ADGRA2: variants seen among roughly 807,000 people sequenced by gnomAD.
The protein encoded by ADGRA2 is adhesion G protein-coupled receptor A2.
In ADGRA2, 61 loss-of-function variants were observed where a neutral mutation model predicts 98.7. The ratio of observed to expected loss-of-function variants is 0.62; its 90% CI spans 0.50 to 0.76. The LOEUF is 0.76. ADGRA2 is among the 30% of genes least tolerant of loss of function. The pLI is 0.00. For synonymous variants in ADGRA2, 858 were observed against 831.5 expected, an observed-to-expected ratio of 1.03 and a Z score of -0.55; for missense variants, 1,712 against 1,860.0, an observed-to-expected ratio of 0.92 and a Z score of 1.46.
intron 2 of ADGRA2, among the ~76,000 whole-genome samples, chr8:37,824,712 TC>T (rs1019843649): frequency 2.0e-5 from 3 of 152,092 alleles, no homozygotes; most frequent in African/African-American, 7.2e-5. Context: ...GCCAGGCTGG[TC>T]TCGAACTCCT....
intron 8 of ADGRA2, among the ~76,000 whole-genome samples, chr8:37,832,658 T>A (rs1217219375): frequency 6.6e-6 from 1 of 152,200 alleles, no homozygotes; most frequent in Non-Finnish European, 1.5e-5. Flanking sequence ...TATCACCTTT[T>A]AAGATCCCAG....
Position 37,842,155 on chromosome 8 carries a change from C to T in ADGRA2, c.3817C>T (p.Arg1273Cys), listed in dbSNP as rs1419079314. 5.9e-6 allele frequency: 9 copies of T among 1,522,744 alleles called. No homozygotes were observed. The South Asian group carries it at 9.8e-5, about 17-fold the overall frequency. The allele number at this position is 1,522,744 out of a possible 1,614,324, so 94.3% of individuals were successfully genotyped here. A position where few individuals can be genotyped will look rare whatever the true frequency, so the allele number is the denominator to read the frequency against. ...LSEAGRAGQR[R>C]SASRDSLKGG... ...TGAGGCGGGCCGGGCAGGCCAGCGC[C>T]GCAGCGCCAGCCGCGACAGTCTCAA... Residue 1273 changes from arginine to cysteine, a missense_variant, in exon 19 of 19, where the codon CGC becomes TGC. Arg to Cys is a radical substitution (Grantham distance 180). Transcript: ENST00000412232.
chr8:37,808,892 T>C lies in ADGRA2; in HGVS notation c.267-6004T>C, dbSNP rs1373411536. Among the ~76,000 whole-genome samples, 6 of 152,162 alleles carry C rather than the reference T, an allele frequency of 3.9e-5. No homozygotes were observed. The East Asian group carries it at 9.7e-4, about 24-fold the overall frequency. ...CTGGAGTACAGTGGCATGATTTATC[T>C]TGGCTTACTGCAACCTCCACCTCCC... On this transcript the variant is annotated intron_variant, in intron 1 of 18. Transcript: ENST00000412232.
intron 13 of ADGRA2, among the ~76,000 whole-genome samples, chr8:37,836,397 A>G (rs938301959): frequency 6.6e-6 from 1 of 152,134 alleles, no homozygotes; most frequent in Non-Finnish European, 1.5e-5. Flanking sequence ...AGAGACACCA[A>G]GGAAGGGCGG....
chr8:37,830,757 C>A lies in ADGRA2; in HGVS notation c.766C>A (p.Gln256Lys). ...ACACCACCTCATCCCGTCCCTACGC[C>A]AAGTGGTGTTCCAGGGGGATCGGCT... The part of the protein sequence containing the change: ...HTHHLIPSLR[Q>K]VVFQGDRLPF... Residue 256 changes from glutamine (Q) to lysine (K), a missense_variant, in exon 7 of 19, where the codon CAA becomes AAA. Gln to Lys is a moderately conservative substitution (Grantham distance 53). Coordinates refer to ENST00000412232, the MANE Select transcript of ADGRA2 (RefSeq NM_032777.10). The surrounding 1 kb of genome is among the most constrained non-coding windows in gnomAD (Gnocchi z 4.8). 6.2e-7 allele frequency: 1 copy of A among 1,605,504 alleles called. No homozygotes were observed. Among genetic ancestry groups the A allele is most frequent in the East Asian group, 2.3e-5 (1 of 44,398 alleles).
intron 2 of ADGRA2, among the ~76,000 whole-genome samples, chr8:37,817,815 G>A (rs531525767): frequency 6.6e-6 from 1 of 152,246 alleles, no homozygotes; most frequent in East Asian, 1.9e-4. Context: ...TTAGGAGTTC[G>A]AGACCAGCCT....
chr8:37,815,028 C>T (rs1006955080), intron 2 of ADGRA2, 61 bp downstream of exon 2: 12 of 1,091,096 alleles, frequency 1.1e-5, no homozygotes, highest in Admixed American at 3.4e-5. Context: ...GAGGTCACCC[C>T]GGGGAGGAGG....
chr8:37,834,085 T>C lies in ADGRA2; in HGVS notation c.1565T>C (p.Ile522Thr), dbSNP rs143101001. ...CSRIVGALER[I>T]GGAALSPHAQ... The stretch of plus-strand genomic sequence containing the variant: ...CGCATCGTGGGTGCCCTGGAGCGCA[T>C]TGGGGGGGCCGCCCTCAGCCCCCAT... Residue 522 changes from isoleucine (I) to threonine (T), a missense_variant, in exon 11 of 19, where the codon ATT becomes ACT. Physicochemically the swap from Ile to Thr is moderately conservative, Grantham distance 89 (BLOSUM62 -1). Coordinates refer to ENST00000412232, the MANE Select transcript of ADGRA2 (RefSeq NM_032777.10). This position sits in a 1 kb window ranked among gnomAD's most constrained non-coding sequence, Gnocchi z 4.2. 1.8e-4 allele frequency: 295 copies of C among 1,612,528 alleles called. 1 individual carries two copies. The highest frequency in any genetic ancestry group is 1.3e-3 in the South Asian group (115 of 91,030).
intron 13 of ADGRA2, among the ~76,000 whole-genome samples, chr8:37,836,030 C>T (rs1444653560): frequency 7.0e-6 from 1 of 142,694 alleles, no homozygotes; most frequent in Non-Finnish European, 1.5e-5. Context: ...ATGAGCATAG[C>T]CCCCTCCAAC....
At chr8:37,833,865 C>G in intron 10 of ADGRA2, 28 bp downstream of exon 10, 7 of 1,611,520 alleles carry the variant, frequency 4.3e-6, no homozygotes, top group Non-Finnish European at 5.1e-6. Context: ...CTCAGGAGCT[C>G]GGAAAACGCC....
Position 37,830,610 on chromosome 8 carries a change from G to GGGGC in ADGRA2, c.719-100_719-99insGGGC. 14 of 579,886 alleles carry GGGGC rather than the reference G, an allele frequency of 2.4e-5. No homozygotes were observed. The highest frequency in any genetic ancestry group is 3.2e-5 in the East Asian group (1 of 31,242). 35.9% of individuals were successfully genotyped at this position (579,886 alleles called of 1,614,324 possible). A position where few individuals can be genotyped will look rare whatever the true frequency, so the allele number is the denominator to read the frequency against. On this transcript the variant is annotated intron_variant, in intron 6 of 18. Coordinates refer to ENST00000412232, the MANE Select transcript of ADGRA2 (RefSeq NM_032777.10). The surrounding 1 kb of genome is among the most constrained non-coding windows in gnomAD (Gnocchi z 4.8). ...AGCTGGAGCAGGCTGCAGGCCGAGG[G>GGGGC]CCCCGCCCCGCCCCACCCCATCCTG...
intron 1 of ADGRA2, among the ~76,000 whole-genome samples, chr8:37,807,959 G>A (rs1377947537): frequency 6.6e-6 from 1 of 152,220 alleles, no homozygotes; most frequent in Admixed American, 6.5e-5. Context: ...GGTCATCTTT[G>A]ATGTTGGGGT....
intron 2 of ADGRA2, among the ~76,000 whole-genome samples, chr8:37,826,374 A>ATAC (rs1805282621): frequency 6.6e-6 from 1 of 152,094 alleles, no homozygotes; most frequent in South Asian, 2.1e-4. Flanking sequence ...GGCAGCCAGG[A>ATAC]TACTTATCCT....
chr8:37,828,892 C>A lies in ADGRA2; in HGVS notation c.343C>A (p.Leu115Met). 6.2e-7 allele frequency: 1 copy of A among 1,600,006 alleles called. No individual in the cohort carries two copies. The highest frequency in any genetic ancestry group is 8.5e-7 in the Non-Finnish European group (1 of 1,174,266). ...CCTCTGCACTTGCCTCTGCAGGGAC[C>A]TGAGGAACAACATCATCAGCACAGT... is the stretch of plus-strand genomic sequence containing the variant. ...LGLSLLEKLD[L>M]RNNIISTVQP... Residue 115 changes from leucine to methionine, a missense_variant, in exon 3 of 19, where the codon CTG becomes ATG. Coordinates refer to ENST00000412232, the MANE Select transcript of ADGRA2 (RefSeq NM_032777.10).
In ADGRA2 at chr8:37,834,099, C is replaced by T; in HGVS notation, c.1579C>T (p.Leu527Phe). The change falls in exon 11 of 19, where the codon CTC becomes TTC. Residue 527 changes from leucine to phenylalanine, a missense_variant. Transcript: ENST00000412232. This position sits in a 1 kb window ranked among gnomAD's most constrained non-coding sequence, Gnocchi z 4.2. Reference sequence around the variant, plus strand: ...CCTGGAGCGCATTGGGGGGGCCGCCCTCAGCCCCCATGCCCAGCACATCTC... The same window carrying T: ...CCTGGAGCGCATTGGGGGGGCCGCCTTCAGCCCCCATGCCCAGCACATCTC... ...GALERIGGAA[L>F]SPHAQHISVN... The T allele has an allele frequency of 1.2e-6, 2 of 1,612,276 alleles. No homozygotes were observed. The highest frequency in any genetic ancestry group is 1.7e-6 in the Non-Finnish European group (2 of 1,179,734).
At chr8:37,818,547 G>A (rs1377145197) in intron 2 of ADGRA2, among the ~76,000 whole-genome samples, 1 of 152,266 alleles carries the variant, frequency 6.6e-6, no homozygotes, top group Non-Finnish European at 1.5e-5. Context: ...CGATGTAGGA[G>A]CAGTACTAGA....
Position 37,831,560 on chromosome 8 carries a change from G to T in ADGRA2, c.1070G>T (p.Arg357Leu), listed in dbSNP as rs373315899. The T allele has an allele frequency of 2.5e-6, 4 of 1,613,876 alleles. No homozygotes were observed. In the Admixed American group the frequency reaches 6.7e-5, roughly 27 times the overall value. ...ETSASYCPAE[R>L]VANNRGDFRW... Reference sequence around the variant, plus strand: ...TCTGCCTCCTACTGCCCCGCCGAGCGTGTTGCCAACAACCGCGGGGACTTC... The same window carrying T: ...TCTGCCTCCTACTGCCCCGCCGAGCTTGTTGCCAACAACCGCGGGGACTTC... The change falls in exon 8 of 19, where the codon CGT (arginine) becomes CTT (leucine). Residue 357 changes from arginine to leucine, a missense_variant. Physicochemically the swap from Arg to Leu is moderately radical, Grantham distance 102 (BLOSUM62 -2). Transcript: ENST00000412232.
In ADGRA2 at chr8:37,797,494, C is replaced by G. The variant is rs780390532; in HGVS notation, c.226C>G (p.Pro76Ala). 142 of 1,404,234 alleles carry G rather than the reference C, an allele frequency of 1.0e-4. No homozygotes were observed. Among genetic ancestry groups the G allele is most frequent in the Non-Finnish European group, 1.5e-5 (16 of 1,075,750 alleles). 87.0% of individuals were successfully genotyped at this position (1,404,234 alleles called of 1,614,324 possible). The change falls in exon 1 of 19, where the codon CCT (proline) becomes GCT (alanine). Residue 76 changes from proline (P) to alanine (A), a missense_variant. Physicochemically the swap from Pro to Ala is conservative, Grantham distance 27. Transcript: ENST00000412232. This position sits in a 1 kb window ranked among gnomAD's most constrained non-coding sequence, Gnocchi z 5.3. ...GTGCAGCGGCGGGGACCTCCCGGAG[C>G]CTCCCGAGCCCGGCCTTCTGCCTAA... ...VVCSGGDLPE[P>A]PEPGLLPNGT...
chr8:37,812,670 A>ATT (rs35078864), intron 1 of ADGRA2, among the ~76,000 whole-genome samples: 41 of 146,186 alleles, frequency 2.8e-4, no homozygotes, highest in Middle Eastern at 3.5e-3. Context: ...GAGTTGCAGA[A>ATT]TTTTTTTTTT....
Sources: allele counts gnomAD v4.1 joint callset (sites outside exome capture counted in the v4.1 genomes callset), GRCh38; gene constraint gnomAD v4.1.1; non-coding constraint Gnocchi (gnomAD v3.1); transcripts MANE v1.5; gene names NCBI Gene and HGNC (gene_info 2026-07-23, HGNC 2026-07-21).